The following URI1 variants were observed in gnomAD, a reference collection of about 807,000 sequenced individuals.
The protein encoded by URI1 is URI1 prefoldin like chaperone, also known as unconventional prefoldin RPB5 interactor 1.
In URI1, 39 loss-of-function variants were observed where a neutral mutation model predicts 60.2. The observed-to-expected ratio is 0.65, with a 90% CI of 0.50 to 0.85. The LOEUF (loss-of-function observed/expected upper bound fraction) is 0.85. Among genes scored for constraint, URI1 ranks in the 40% least tolerant of loss-of-function variants. The pLI is 0.00. For synonymous variants in URI1, 251 were observed against 236.8 expected, an observed-to-expected ratio of 1.06 and a Z score of -0.55; for missense variants, 691 against 665.9, an observed-to-expected ratio of 1.04 and a Z score of -0.42.
intron 3 of URI1, among the ~76,000 whole-genome samples, chr19:29,985,798 G>A (rs1006315745): frequency 1.3e-5 from 2 of 152,082 alleles, no homozygotes; most frequent in Non-Finnish European, 2.9e-5. Flanking sequence ...TGAAGACTTT[G>A]TTCTTTTATA....
intron 4 of URI1, among the ~76,000 whole-genome samples, chr19:29,996,113 T>C (rs1033404719): frequency 2.6e-5 from 4 of 152,128 alleles, no homozygotes; most frequent in Admixed American, 1.3e-4. Flanking sequence ...TCCATGTGAA[T>C]TTTAGAATGG....
intron 1 of URI1, among the ~76,000 whole-genome samples, chr19:29,949,542 G>A (rs900691387): frequency 1.1e-4 from 16 of 152,216 alleles, no homozygotes; most frequent in African/African-American, 3.9e-4. Context: ...TCGGCACTTT[G>A]GGAGGTCAAG....
intron 1 of URI1, among the ~76,000 whole-genome samples, chr19:29,929,668 T>C (rs958661098): frequency 4.6e-5 from 7 of 152,076 alleles, no homozygotes; most frequent in African/African-American, 1.7e-4. Flanking sequence ...TGGTCTGTCA[T>C]TGTGATTCAG....
In URI1 at chr19:29,932,948, C is replaced by T. The variant is rs547645314; in HGVS notation, c.63+9194C>T. Among the ~76,000 whole-genome samples, 10 of 152,314 alleles carry T rather than the reference C, an allele frequency of 6.6e-5. No individual in the cohort carries two copies. In the South Asian group the frequency reaches 1.2e-3, roughly 19 times the overall value. On this transcript the variant is annotated intron_variant, in intron 1 of 10. Coordinates refer to the URI1 transcript ENST00000360605. Reference sequence around the variant, plus strand: ...GATTACAGGTGTGAGCCACCACACCCGGACTACATCGATTTATTTTTATAT... The same window carrying T: ...GATTACAGGTGTGAGCCACCACACCTGGACTACATCGATTTATTTTTATAT...
At chr19:29,975,248 T>C (rs1342348829) in intron 2 of URI1, among the ~76,000 whole-genome samples, 2 of 152,184 alleles carry the variant, frequency 1.3e-5, no homozygotes, top group African/African-American at 4.8e-5. Flanking sequence ...TTTTTGACTT[T>C]TTAATAAAAA....
At chr19:29,924,638 G>A (rs780428818) in intron 1 of URI1, among the ~76,000 whole-genome samples, 1 of 152,146 alleles carries the variant, frequency 6.6e-6, no homozygotes, top group Non-Finnish European at 1.5e-5. Flanking sequence ...CCAATCAGAG[G>A]CTGTCCTGTG....
At position 29,960,624 on chromosome 19, in the gene URI1, A is replaced by G. The variant is rs547335373; in HGVS notation, c.118-10569A>G. 1.1e-4 allele frequency among the ~76,000 whole-genome samples: 16 copies of G among 152,266 alleles called. 2 individuals are homozygous for G. The South Asian group carries it at 3.3e-3, about 32-fold the overall frequency. On this transcript the variant is annotated intron_variant, in intron 1 of 10. Transcript: ENST00000392271. Reference sequence around the variant, plus strand: ...TTTGTTTGTTTTGTCTATCTTTAAAAAAAATCTTCTTAACTTCAGTCTTTT... The same window carrying G: ...TTTGTTTGTTTTGTCTATCTTTAAAGAAAATCTTCTTAACTTCAGTCTTTT...
At chr19:29,974,894 C>A (rs1166820439) in intron 2 of URI1, among the ~76,000 whole-genome samples, 1 of 152,176 alleles carries the variant, frequency 6.6e-6, no homozygotes, top group Admixed American at 6.5e-5. Context: ...CCTGCTGCAT[C>A]CATGTTACTG....
At chr19:30,005,548 A>G (rs2055931078) in intron 5 of URI1, 96 bp downstream of exon 5, 1 of 1,499,284 alleles carries the variant, frequency 6.7e-7, no homozygotes, top group Non-Finnish European at 9.1e-7. Context: ...ATTGAAGTTT[A>G]AAATGCTTTC....
intron 1 of URI1, among the ~76,000 whole-genome samples, chr19:29,931,699 A>G (rs1462120027): frequency 1.3e-5 from 2 of 152,162 alleles, no homozygotes; most frequent in Admixed American, 6.5e-5. Flanking sequence ...AGTGTTTTGT[A>G]GTTTTCGATG....
chr19:30,003,950 A>G (rs1453749938), intron 4 of URI1, among the ~76,000 whole-genome samples: 1 of 151,816 alleles, frequency 6.6e-6, no homozygotes, highest in African/African-American at 2.4e-5. Flanking sequence ...CTTTTCCCTG[A>G]CCCCCTGCTT....
At chr19:29,998,537 T>C (rs2055840609) in intron 4 of URI1, among the ~76,000 whole-genome samples, 2 of 152,216 alleles carry the variant, frequency 1.3e-5, no homozygotes, top group Admixed American at 1.3e-4. Flanking sequence ...TCTTGATAGA[T>C]TGAACCTTTT....
At chr19:29,958,658 C>CT (rs903742858) in intron 1 of URI1, among the ~76,000 whole-genome samples, 23 of 150,446 alleles carry the variant, frequency 1.5e-4, no homozygotes, top group Admixed American at 4.0e-4. Flanking sequence ...TTTCTTTTTT[C>CT]TTTTTTTTTG....
At chr19:29,997,359 T>C (rs2055824994) in intron 4 of URI1, among the ~76,000 whole-genome samples, 1 of 152,194 alleles carries the variant, frequency 6.6e-6, no homozygotes, top group Admixed American at 6.5e-5. Context: ...TATTTCTGTA[T>C]AATCCCATTA....
rs113934891 is a variant in URI1 at position 30,012,411 on chromosome 19, G to A, written c.1305G>A (p.Arg435=). ...ESSAAEFDDR[R]GVLRSISCEE... ...GTGCTGCTGAATTTGATGATAGGCG[G>A]GGAGTTTTGAGGAGTATCAGCTGCG... Residue 435 remains arginine, a synonymous_variant, in exon 10 of 11, where the codon CGG becomes CGA. Coordinates refer to ENST00000392271, the MANE Select transcript of URI1 (RefSeq NM_003796.3). 25 of 1,614,058 alleles carry A rather than the reference G, an allele frequency of 1.5e-5. No homozygotes were observed. The highest frequency in any genetic ancestry group is 1.5e-4 in the African/African-American group (11 of 74,916).
rs761292518 is a variant in URI1, at chr19:30,015,070, G to A, written c.*1G>A. On this transcript the variant is annotated 3_prime_UTR_variant, in exon 11 of 11. Coordinates refer to ENST00000392271, the MANE Select transcript of URI1 (RefSeq NM_003796.3). ...TGCCAGATTGCAACAGAAAGACTAG[G>A]CCCTGTCTAGGAAATGGGAATTTAC... 6.2e-6 allele frequency: 10 copies of A among 1,611,048 alleles called. No homozygotes were observed. The Admixed American group carries it at 1.5e-4, about 24-fold the overall frequency.
At chr19:30,005,828 A>G in intron 6 of URI1, 120 bp downstream of exon 6, 1 of 861,728 alleles carries the variant, frequency 1.2e-6, no homozygotes, top group East Asian at 2.9e-5. Context: ...ATAGGATGCC[A>G]ACATTTTTCT....
intron 1 of URI1, among the ~76,000 whole-genome samples, chr19:29,961,675 G>GTT (rs200425572): frequency 1.7e-5 from 2 of 117,638 alleles, no homozygotes; most frequent in African/African-American, 3.1e-5. Flanking sequence ...TTTTTTTTTT[G>GTT]TTTTTTTTTT....
intron 1 of URI1, among the ~76,000 whole-genome samples, chr19:29,928,123 T>C (rs945765749): frequency 6.6e-6 from 1 of 152,048 alleles, no homozygotes; most frequent in East Asian, 1.9e-4. Flanking sequence ...AGTCCAGATA[T>C]GTGCAAGCAG....
Sources: allele counts gnomAD v4.1 joint callset (sites outside exome capture counted in the v4.1 genomes callset), GRCh38; gene constraint gnomAD v4.1.1; transcripts MANE v1.5; gene names NCBI Gene and HGNC (gene_info 2026-07-23, HGNC 2026-07-21).